Variants in CRADD observed in about 807,000 individuals in gnomAD.
CRADD encodes the protein death domain-containing protein CRADD.
CRADD carries 9 observed loss-of-function variants against 15.5 expected under a neutral mutation model. That is an observed-to-expected ratio of 0.58 (90% CI 0.35 to 1.01). CRADD has a LOEUF of 1.01. Ranked by LOEUF, CRADD falls within the 50% of genes least tolerant of loss-of-function variation. The pLI, the probability that CRADD is intolerant of heterozygous loss-of-function variation, is 0.02. For synonymous variants in CRADD, 118 were observed against 107.6 expected (o/e 1.10, Z -0.60); for missense variants, 227 against 250.3 (o/e 0.91, Z 0.63).
intron 2 of CRADD, among the ~76,000 whole-genome samples, chr12:93,892,332 ATTAT>A (rs1162654407): frequency 3.9e-5 from 6 of 152,218 alleles, no homozygotes; most frequent in Non-Finnish European, 8.8e-5. Context: ...GCATTAAAAT[ATTAT>A]TTGATTATTG....
At chr12:93,682,467 G>T (rs75563332) in intron 2 of CRADD, among the ~76,000 whole-genome samples, 1 of 152,192 alleles carries the variant, frequency 6.6e-6, no homozygotes. Context: ...TAGCCAAGAC[G>T]TTGATCCTTC....
intron 2 of CRADD, among the ~76,000 whole-genome samples, chr12:93,712,575 G>C (rs1014808288): frequency 6.6e-6 from 1 of 152,176 alleles, no homozygotes; most frequent in Admixed American, 6.5e-5. Context: ...GTTCAAAATG[G>C]GTTTTGGATT....
At chr12:93,841,449 G>A (rs1406162255) in intron 2 of CRADD, among the ~76,000 whole-genome samples, 1 of 152,108 alleles carries the variant, frequency 6.6e-6, no homozygotes, top group East Asian at 1.9e-4. Flanking sequence ...ACTTGTCCAA[G>A]GTCCACAGGA....
chr12:93,711,055 CT>C (rs397850463), intron 2 of CRADD, among the ~76,000 whole-genome samples: 1,032 of 43,516 alleles, frequency 0.024, 19 homozygotes, highest in East Asian at 0.11. Context: ...CCACCCCCGC[CT>C]TTTTTTTTTT....
chr12:93,828,861 T>TTTTTTTTTTTTTTTTTTTTTTTGAG (rs1957856410), intron 2 of CRADD, among the ~76,000 whole-genome samples: 1 of 152,254 alleles, frequency 6.6e-6, no homozygotes, highest in Non-Finnish European at 1.5e-5. Flanking sequence ...TTTCTATTTT[T>TTTTTTTTTTTTTTTTTTTTTTTGAG]AAAAATATGT....
chr12:93,885,243 GA>G (rs372210976), intron 2 of CRADD, among the ~76,000 whole-genome samples: 10 of 152,288 alleles, frequency 6.6e-5, no homozygotes, highest in African/African-American at 2.2e-4. Context: ...AATTGCTGCT[GA>G]ACTTGTGGTG....
rs73363114 is a variant in CRADD, at chr12:93,769,546, A to T, written c.299-80424A>T. The stretch of plus-strand genomic sequence containing the variant: ...AGGAATGGAATTGGCAGGTGATAGG[A>T]TATGTGTATGTTCAGCTTTAGGGAA... On this transcript the variant is annotated intron_variant, in intron 2 of 2. Coordinates refer to ENST00000332896, the MANE Select transcript of CRADD (RefSeq NM_003805.5). Among the ~76,000 whole-genome samples, 300 of 152,268 alleles carry T rather than the reference A, an allele frequency of 2.0e-3. 2 individuals are homozygous for T. The highest frequency in any genetic ancestry group is 6.2e-3 in the African/African-American group (258 of 41,536).
At chr12:93,692,182 G>A (rs903156232) in intron 2 of CRADD, among the ~76,000 whole-genome samples, 1 of 152,108 alleles carries the variant, frequency 6.6e-6, no homozygotes, top group Non-Finnish European at 1.5e-5. Context: ...ATTACAGTTG[G>A]AGGAGAAAAA....
chr12:93,842,800 A>C (rs1162676710), intron 2 of CRADD, among the ~76,000 whole-genome samples: 1 of 84,124 alleles, frequency 1.2e-5, no homozygotes, highest in Non-Finnish European at 2.2e-5. Context: ...CGAGAGAATA[A>C]GTTAAGTCAG....
intron 2 of CRADD, among the ~76,000 whole-genome samples, chr12:93,856,303 G>C (rs1565941230): frequency 6.6e-6 from 1 of 152,228 alleles, no homozygotes; most frequent in African/African-American, 2.4e-5. Flanking sequence ...TGATCTAACA[G>C]TTGTCTACCA....
intron 2 of CRADD, among the ~76,000 whole-genome samples, chr12:93,888,084 G>A (rs572107497): frequency 1.3e-5 from 2 of 152,276 alleles, no homozygotes; most frequent in African/African-American, 2.4e-5. Flanking sequence ...AGAGAATGGG[G>A]TGTGTTTGGG....
chr12:93,878,675 T>C (rs7969978), intron 2 of CRADD, among the ~76,000 whole-genome samples: 59,968 of 152,066 alleles, frequency 0.39, 12,324 homozygotes, highest in Middle Eastern at 0.51. Context: ...CCACTGGGAT[T>C]GGCGATTCCC....
At chr12:93,844,577 A>AG in intron 2 of CRADD, among the ~76,000 whole-genome samples, 1 of 152,284 alleles carries the variant, frequency 6.6e-6, no homozygotes, top group East Asian at 1.9e-4. Flanking sequence ...AAAGTGTGGA[A>AG]GAATCAGAGC....
chr12:93,806,698 A>G (rs891177142), intron 2 of CRADD, among the ~76,000 whole-genome samples: 1 of 152,150 alleles, frequency 6.6e-6, no homozygotes, highest in African/African-American at 2.4e-5. Flanking sequence ...CATTTTAAAA[A>G]TAAGGAGTAG....
intron 2 of CRADD, among the ~76,000 whole-genome samples, chr12:93,836,944 A>T (rs1194771123): frequency 6.6e-6 from 1 of 152,156 alleles, no homozygotes; most frequent in Non-Finnish European, 1.5e-5. Context: ...TTACAAGGTG[A>T]TTTATGGACA....
At chr12:93,847,487 G>A (rs1958140789) in intron 2 of CRADD, among the ~76,000 whole-genome samples, 1 of 124,730 alleles carries the variant, frequency 8.0e-6, no homozygotes, top group Non-Finnish European at 1.6e-5. Context: ...TGGCAGTCAT[G>A]AGCATTGCTT....
chr12:93,814,364 G>A (rs1217874046), intron 2 of CRADD, among the ~76,000 whole-genome samples: 2 of 152,160 alleles, frequency 1.3e-5, no homozygotes, highest in East Asian at 1.9e-4. Context: ...CTGTTCATGC[G>A]AGTTTTGAAT....
At chr12:93,838,564 CT>C (rs796681947) in intron 2 of CRADD, among the ~76,000 whole-genome samples, 4,978 of 60,614 alleles carry the variant, frequency 0.082, 281 homozygotes, top group African/African-American at 0.31. Context: ...CTTTCTCTCT[CT>C]TTTTTTTTTT....
intron 2 of CRADD, among the ~76,000 whole-genome samples, chr12:93,813,580 C>G (rs1397853393): frequency 6.6e-6 from 1 of 152,102 alleles, no homozygotes; most frequent in Non-Finnish European, 1.5e-5. Flanking sequence ...TTCTTCTGTC[C>G]CACCTGTAAC....
Sources: gnomAD v4.1 joint callset for allele counts (sites outside exome capture counted in the v4.1 genomes callset) on GRCh38, gnomAD v4.1.1 for gene constraint, MANE v1.5 for transcripts, NCBI Gene and HGNC (gene_info 2026-07-23, HGNC 2026-07-21) for gene names.